CFAP61: variants seen among roughly 807,000 people sequenced by gnomAD.
CFAP61 encodes the protein cilia and flagella associated protein 61, also known as cilia- and flagella-associated protein 61.
Under a neutral mutation model 135.6 loss-of-function variants are expected in CFAP61, and 107 were observed. That is an observed-to-expected ratio of 0.79 (90% CI 0.67 to 0.93). The LOEUF (loss-of-function observed/expected upper bound fraction) is 0.93. Ranked by LOEUF, CFAP61 falls within the 40% of genes least tolerant of loss-of-function variation. The probability of loss-of-function intolerance (pLI) is 0.00; values close to 1 mark genes in which losing one functional copy is unlikely to be tolerated. For synonymous variants in CFAP61, 575 were observed against 578.5 expected (o/e 0.99, Z 0.09); for missense variants, 1,507 against 1,556.2 (o/e 0.97, Z 0.53).
Position 20,207,312 on chromosome 20 carries a change from T to C in CFAP61, c.1932+7410T>C, listed in dbSNP as rs1435624336. 2.0e-5 allele frequency among the ~76,000 whole-genome samples: 3 copies of C among 152,202 alleles called. No individual in the cohort carries two copies. The East Asian group carries it at 5.8e-4, about 29-fold the overall frequency. Reference sequence around the variant, plus strand: ...TGCTGTTAAAAAGAGCTGCCACTGCTTCCAACAGAAAAGAAAAAATTCTAA... The same window carrying C: ...TGCTGTTAAAAAGAGCTGCCACTGCCTCCAACAGAAAAGAAAAAATTCTAA... On this transcript the variant is annotated intron_variant, in intron 17 of 26. Transcript: ENST00000245957.
chr20:20,117,280 A>G (rs1195512507), intron 8 of CFAP61, among the ~76,000 whole-genome samples: 1 of 152,124 alleles, frequency 6.6e-6, no homozygotes, highest in Non-Finnish European at 1.5e-5. Flanking sequence ...GAGGGTGGAT[A>G]TTGCAGTGAG....
chr20:20,255,398 G>A (rs1382341393), intron 20 of CFAP61, among the ~76,000 whole-genome samples: 1 of 152,198 alleles, frequency 6.6e-6, no homozygotes, highest in Non-Finnish European at 1.5e-5. Context: ...GGTATGGACT[G>A]TTCATGGGTC....
chr20:20,206,148 C>T (rs921993362), intron 17 of CFAP61, among the ~76,000 whole-genome samples: 1 of 152,154 alleles, frequency 6.6e-6, no homozygotes, highest in Non-Finnish European at 1.5e-5. Flanking sequence ...AACTTCTTAA[C>T]ATCTTAGTGT....
At chr20:20,279,623 T>C (rs1285048090) in intron 22 of CFAP61, among the ~76,000 whole-genome samples, 1 of 152,154 alleles carries the variant, frequency 6.6e-6, no homozygotes, top group Non-Finnish European at 1.5e-5. Flanking sequence ...AAAAAATCTA[T>C]GCATAAGTGA....
intron 17 of CFAP61, 151 bp from the exon 18 acceptor site, chr20:20,228,098 A>C (rs140877955): frequency 1.2e-4 from 67 of 547,876 alleles, no homozygotes; most frequent in Admixed American, 3.5e-4. Context: ...ACATCTTCCC[A>C]TGCATTTTAT....
chr20:20,085,687 T>C (rs577153133), intron 6 of CFAP61, among the ~76,000 whole-genome samples: 5 of 152,314 alleles, frequency 3.3e-5, no homozygotes, highest in South Asian at 4.1e-4. Flanking sequence ...TGGTGCACAG[T>C]TGATTGTGTG....
intron 17 of CFAP61, chr20:20,225,682 C>T (rs1313593763): frequency 1.3e-5 from 2 of 152,170 alleles, no homozygotes; most frequent in African/African-American, 2.4e-5. Context: ...AACATATCTC[C>T]TTTTGAAAAG....
intron 6 of CFAP61, among the ~76,000 whole-genome samples, chr20:20,076,721 A>T (rs947110585): frequency 6.6e-6 from 1 of 152,252 alleles, no homozygotes; most frequent in Admixed American, 6.5e-5. Context: ...AGTTTTAAAA[A>T]CTTTATAAAA....
chr20:20,319,823 C>T (rs2057343982), intron 25 of CFAP61, among the ~76,000 whole-genome samples: 1 of 152,080 alleles, frequency 6.6e-6, no homozygotes, highest in Non-Finnish European at 1.5e-5. Context: ...CATCATTTTC[C>T]AGAACCCCCT....
chr20:20,189,468 G>A (rs947870219), intron 14 of CFAP61, among the ~76,000 whole-genome samples: 1 of 123,262 alleles, frequency 8.1e-6, no homozygotes, highest in African/African-American at 3.1e-5. Context: ...CGACGCATAA[G>A]TACATATGTA....
intron 26 of CFAP61, among the ~76,000 whole-genome samples, chr20:20,352,415 T>C (rs1250651669): frequency 6.6e-6 from 1 of 152,144 alleles, no homozygotes; most frequent in African/African-American, 2.4e-5. Context: ...ACGTGGGGAT[T>C]ACAAATTGAA....
intron 21 of CFAP61, 152 bp downstream of exon 21, chr20:20,263,282 C>A (rs1191610134): frequency 5.3e-6 from 3 of 562,622 alleles, no homozygotes; most frequent in Non-Finnish European, 5.5e-6. Context: ...GATTAATTTA[C>A]AACTTGTTGT....
intron 1 of CFAP61, chr20:20,056,016 A>G (rs2044303287): frequency 5.6e-6 from 9 of 1,604,210 alleles, no homozygotes; most frequent in Non-Finnish European, 7.7e-6. Context: ...TGCCGTCATT[A>G]GAGATTCTCT....
intron 18 of CFAP61, among the ~76,000 whole-genome samples, chr20:20,243,785 A>G (rs2050204867): frequency 6.6e-6 from 1 of 152,174 alleles, no homozygotes; most frequent in Non-Finnish European, 1.5e-5. Flanking sequence ...TCCACAGCCT[A>G]AAGTCTCATC....
At chr20:20,072,271 C>T (rs558295808) in intron 3 of CFAP61, among the ~76,000 whole-genome samples, 4 of 151,726 alleles carry the variant, frequency 2.6e-5, no homozygotes, top group South Asian at 2.1e-4. Flanking sequence ...CCTGCCACCA[C>T]GCCCGGCTAA....
At chr20:20,155,555 C>T (rs1317124946) in intron 9 of CFAP61, among the ~76,000 whole-genome samples, 1 of 152,058 alleles carries the variant, frequency 6.6e-6, no homozygotes, top group Non-Finnish European at 1.5e-5. Flanking sequence ...CTACAAAGAA[C>T]TCAAATGAAT....
At chr20:20,285,024 G>T (rs769429153) in intron 22 of CFAP61, among the ~76,000 whole-genome samples, 1 of 152,116 alleles carries the variant, frequency 6.6e-6, no homozygotes, top group African/African-American at 2.4e-5. Context: ...AATATATGTT[G>T]CTTTCATTCT....
At chr20:20,296,580 G>A (rs779907116) in intron 24 of CFAP61, among the ~76,000 whole-genome samples, 3 of 151,260 alleles carry the variant, frequency 2.0e-5, no homozygotes, top group Non-Finnish European at 4.4e-5. Context: ...GCCACAGCCT[G>A]AGTATTTAAA....
intron 12 of CFAP61, among the ~76,000 whole-genome samples, chr20:20,166,687 A>G (rs970263017): frequency 6.6e-6 from 1 of 152,230 alleles, no homozygotes; most frequent in African/African-American, 2.4e-5. Flanking sequence ...GTTTTATCAG[A>G]ATCAAATCAT....
Sources: gnomAD v4.1 joint callset for allele counts (sites outside exome capture counted in the v4.1 genomes callset) on GRCh38, gnomAD v4.1.1 for gene constraint, MANE v1.5 for transcripts, NCBI Gene and HGNC (gene_info 2026-07-23, HGNC 2026-07-21) for gene names.